The following WWOX variants were observed in gnomAD, a reference collection of about 807,000 sequenced individuals.
WWOX encodes the protein WW domain-containing oxidoreductase.
In WWOX, 69 loss-of-function variants were observed where a neutral mutation model predicts 46.2. The observed-to-expected ratio is 1.49, with a 90% CI of 1.23 to 1.82. WWOX has a LOEUF of 1.82. Among genes scored for constraint, WWOX ranks in the 40% most tolerant of loss-of-function variants. The probability of loss-of-function intolerance (pLI) is 0.00; values close to 1 mark genes in which losing one functional copy is unlikely to be tolerated. For missense variants in WWOX, 919 were observed against 542.6 expected (o/e 1.69, Z -6.89); for synonymous variants, 359 against 202.6 (o/e 1.77, Z -6.56).
intron 8 of WWOX, among the ~76,000 whole-genome samples, chr16:78,474,264 A>G (rs1315401301): frequency 1.3e-5 from 2 of 152,320 alleles, no homozygotes; most frequent in South Asian, 2.1e-4. Context: ...AACCTGGGAC[A>G]TTTTATGCTA....
intron 5 of WWOX, among the ~76,000 whole-genome samples, chr16:78,307,791 C>A (rs1281519278): frequency 6.6e-6 from 1 of 152,124 alleles, no homozygotes; most frequent in Non-Finnish European, 1.5e-5. Flanking sequence ...GGAGGTTTTG[C>A]AGATTGCTGC....
intron 4 of WWOX, among the ~76,000 whole-genome samples, chr16:78,158,029 C>G (rs1040793732): frequency 6.6e-6 from 1 of 152,186 alleles, no homozygotes; most frequent in Admixed American, 6.5e-5. Flanking sequence ...AAGGCGTGAC[C>G]TTAGATCCCA....
intron 4 of WWOX, among the ~76,000 whole-genome samples, chr16:78,135,845 G>A (rs896387136): frequency 6.6e-6 from 1 of 152,118 alleles, no homozygotes; most frequent in African/African-American, 2.4e-5. Flanking sequence ...GTACCTCTAT[G>A]TGACTTTTGA....
intron 5 of WWOX, among the ~76,000 whole-genome samples, chr16:78,366,041 A>C (rs761764971): frequency 1.3e-5 from 2 of 152,180 alleles, no homozygotes; most frequent in Non-Finnish European, 2.9e-5. Context: ...TAATCAGGGA[A>C]TACATCTTTC....
At chr16:78,708,623 A>G (rs2048374696) in intron 8 of WWOX, among the ~76,000 whole-genome samples, 1 of 152,204 alleles carries the variant, frequency 6.6e-6, no homozygotes, top group South Asian at 2.1e-4. Flanking sequence ...AGGTTAAGTA[A>G]CTTGCTCAAG....
At chr16:78,145,637 C>T (rs570123024) in intron 4 of WWOX, among the ~76,000 whole-genome samples, 2 of 152,268 alleles carry the variant, frequency 1.3e-5, no homozygotes, top group East Asian at 3.9e-4. Context: ...GAAACACCCG[C>T]ACAGACACAC....
intron 8 of WWOX, among the ~76,000 whole-genome samples, chr16:78,886,996 G>A (rs1043551216): frequency 3.3e-5 from 5 of 151,830 alleles, no homozygotes; most frequent in African/African-American, 7.3e-5. Context: ...GGAGAAATTT[G>A]AGTTTTCATA....
At chr16:79,021,498 G>A (rs994461981) in intron 8 of WWOX, among the ~76,000 whole-genome samples, 5 of 152,172 alleles carry the variant, frequency 3.3e-5, no homozygotes, top group African/African-American at 1.2e-4. Flanking sequence ...ATGGGATCTA[G>A]TAACAAATGT....
intron 8 of WWOX, among the ~76,000 whole-genome samples, chr16:78,434,320 C>T (rs541622524): frequency 2.2e-4 from 34 of 152,128 alleles, no homozygotes; most frequent in African/African-American, 8.2e-4. Flanking sequence ...TGAAACTTAC[C>T]TGTAGGTGGA....
intron 8 of WWOX, among the ~76,000 whole-genome samples, chr16:78,911,166 G>A (rs1280803124): frequency 2.0e-5 from 3 of 151,872 alleles, no homozygotes; most frequent in Admixed American, 1.3e-4. Context: ...GTGGAAGGTG[G>A]CCCTCCACCA....
intron 8 of WWOX, among the ~76,000 whole-genome samples, chr16:78,779,698 C>A (rs567189136): frequency 3.3e-5 from 5 of 152,296 alleles, no homozygotes; most frequent in South Asian, 2.1e-4. Context: ...ATCACCACAG[C>A]CCATCTGGTT....
intron 8 of WWOX, among the ~76,000 whole-genome samples, chr16:78,576,421 A>G (rs1216345615): frequency 6.6e-6 from 1 of 152,152 alleles, no homozygotes; most frequent in Non-Finnish European, 1.5e-5. Flanking sequence ...TTCCTTTTGC[A>G]CACTTTCCTT....
intron 8 of WWOX, among the ~76,000 whole-genome samples, chr16:78,533,869 T>C (rs1004579135): frequency 1.3e-5 from 2 of 152,188 alleles, no homozygotes; most frequent in Non-Finnish European, 2.9e-5. Flanking sequence ...CTATCATCTC[T>C]GTGAGCCCTT....
intron 8 of WWOX, among the ~76,000 whole-genome samples, chr16:79,150,673 A>C (rs1292636354): frequency 6.6e-6 from 1 of 152,082 alleles, no homozygotes; most frequent in Non-Finnish European, 1.5e-5. Flanking sequence ...CTTTTTCTTG[A>C]GATGGTGTCA....
At chr16:78,626,637 C>T (rs1597367176) in intron 8 of WWOX, among the ~76,000 whole-genome samples, 1 of 152,242 alleles carries the variant, frequency 6.6e-6, no homozygotes, top group South Asian at 2.1e-4. Context: ...TTAGTCTTTC[C>T]CTCTACTTTC....
intron 8 of WWOX, among the ~76,000 whole-genome samples, chr16:78,782,842 C>T (rs559804246): frequency 5.9e-5 from 9 of 152,168 alleles, no homozygotes; most frequent in East Asian, 1.9e-4. Context: ...ACTAAGAGTG[C>T]GAAGAACATT....
chr16:78,412,771 G>A (rs2082712517), intron 6 of WWOX, among the ~76,000 whole-genome samples: 1 of 152,172 alleles, frequency 6.6e-6, no homozygotes, highest in Admixed American at 6.5e-5. Flanking sequence ...TGATAGAATG[G>A]AATTCATTCA....
intron 8 of WWOX, among the ~76,000 whole-genome samples, chr16:78,555,307 C>G (rs967442878): frequency 6.6e-6 from 1 of 152,044 alleles, no homozygotes; most frequent in Non-Finnish European, 1.5e-5. Flanking sequence ...GGGAAAGGTA[C>G]TCTTTTTTAT....
intron 8 of WWOX, among the ~76,000 whole-genome samples, chr16:78,550,233 C>G (rs939272304): frequency 1.3e-5 from 2 of 152,152 alleles, no homozygotes; most frequent in Admixed American, 6.5e-5. Flanking sequence ...AAAGCAAACC[C>G]AATTATTTGA....
Sources: gnomAD v4.1 joint callset for allele counts (sites outside exome capture counted in the v4.1 genomes callset) on GRCh38, gnomAD v4.1.1 for gene constraint, MANE v1.5 for transcripts, NCBI Gene and HGNC (gene_info 2026-07-23, HGNC 2026-07-21) for gene names.